The following RBM47 variants were observed in gnomAD, a reference collection of about 807,000 sequenced individuals.
RBM47 encodes RNA binding motif protein 47.
In RBM47, 21 loss-of-function variants were observed where a neutral mutation model predicts 47.1. That is an observed-to-expected ratio of 0.45 (90% CI 0.32 to 0.64). The LOEUF (loss-of-function observed/expected upper bound fraction) is 0.64. Ranked by LOEUF, RBM47 falls within the 30% of genes least tolerant of loss-of-function variation. RBM47 has a pLI of 0.05. For synonymous variants in RBM47, 375 were observed against 361.7 expected (o/e 1.04, Z -0.42); for missense variants, 708 against 870.9 (o/e 0.81, Z 2.35).
chr4:40,502,269 T>C (rs535602477), intron 2 of RBM47: 1 of 154,502 alleles, frequency 6.5e-6, no homozygotes, highest in South Asian at 2.0e-4. Flanking sequence ...GTTTTCATGT[T>C]GACACATTTC....
chr4:40,429,812 A>C (rs1231232572), intron 6 of RBM47, among the ~76,000 whole-genome samples: 1 of 151,910 alleles, frequency 6.6e-6, no homozygotes, highest in Non-Finnish European at 1.5e-5. Context: ...GGTGTTGTTA[A>C]ATTGGCTAAA....
intron 2 of RBM47, among the ~76,000 whole-genome samples, chr4:40,533,489 G>C (rs1428772841): frequency 6.6e-6 from 1 of 151,216 alleles, no homozygotes; most frequent in African/African-American, 2.4e-5. Flanking sequence ...GTAGGAAAGA[G>C]CAATACAAAG....
Position 40,436,537 on chromosome 4 carries a change from G to C in RBM47, c.1234C>G (p.His412Asp). ...SAGRGIYSRY[H>D]EGKGKQQEKG... ...TCTTGCTGCTTTCCTTTCCCTTCAT[G>C]ATATCGGCTATATATACCACGACCA... is the stretch of plus-strand genomic sequence containing the variant. Residue 412 changes from histidine (H) to aspartate (D), a missense_variant, in exon 5 of 7, where the codon CAT (histidine) becomes GAT (aspartate). Coordinates refer to ENST00000295971, the MANE Select transcript of RBM47 (RefSeq NM_001098634.2). The C allele has an allele frequency of 6.2e-7, 1 of 1,614,148 alleles. No individual in the cohort carries two copies. Among genetic ancestry groups the C allele is most frequent in the Non-Finnish European group, 8.5e-7 (1 of 1,180,016 alleles).
intron 6 of RBM47, chr4:40,427,111 GCTT>G (rs941345722): frequency 3.9e-5 from 6 of 152,216 alleles, no homozygotes; most frequent in Non-Finnish European, 8.8e-5. Flanking sequence ...CAAAGGGACA[GCTT>G]CTTAAGCTGT....
chr4:40,530,820 C>T (rs1009745727), intron 2 of RBM47, among the ~76,000 whole-genome samples: 5 of 152,156 alleles, frequency 3.3e-5, no homozygotes, highest in African/African-American at 7.2e-5. Flanking sequence ...CCATGCAAGG[C>T]GAGGCACGGT....
intron 1 of RBM47, among the ~76,000 whole-genome samples, chr4:40,566,945 G>A (rs1731162233): frequency 1.3e-5 from 2 of 151,614 alleles, no homozygotes; most frequent in Non-Finnish European, 2.9e-5. Flanking sequence ...ACTGGGCCCG[G>A]CCCATTCTGT....
intron 3 of RBM47, among the ~76,000 whole-genome samples, chr4:40,464,198 C>T (rs1717602638): frequency 6.6e-6 from 1 of 152,180 alleles, no homozygotes. Flanking sequence ...CTTAGAGTAC[C>T]TGTTTAATGT....
At chr4:40,473,565 G>T (rs77044652) in intron 2 of RBM47, among the ~76,000 whole-genome samples, 7,152 of 152,240 alleles carry the variant, frequency 0.047, 550 homozygotes, top group African/African-American at 0.16. Flanking sequence ...AACAGTAAAT[G>T]ATATTCTCAA....
intron 2 of RBM47, among the ~76,000 whole-genome samples, chr4:40,506,046 T>G (rs1006395189): frequency 1.2e-4 from 18 of 152,242 alleles, no homozygotes; most frequent in Admixed American, 1.1e-3. Flanking sequence ...CTCTGACCTA[T>G]CTACTATCAA....
rs1052399725 is a variant in RBM47 at position 40,424,888 on chromosome 4, T to G, written c.*1016A>C. On this transcript the variant is annotated 3_prime_UTR_variant, in exon 7 of 7. Transcript: ENST00000295971. ...TTTACATTGGGCAATTAAATAGCTA[T>G]GCAAAGGTGTCTTATGCAACTCGAT... 4.6e-5 allele frequency: 7 copies of G among 152,098 alleles called. No individual in the cohort carries two copies. The highest frequency in any genetic ancestry group is 7.3e-5 in the Non-Finnish European group (5 of 68,028). 9.4% of individuals were successfully genotyped at this position (152,098 alleles called of 1,614,324 possible).
At chr4:40,617,322 G>T (rs1488548355) in intron 1 of RBM47, among the ~76,000 whole-genome samples, 1 of 151,958 alleles carries the variant, frequency 6.6e-6, no homozygotes, top group East Asian at 1.9e-4. Flanking sequence ...ACTTTAGAAG[G>T]CCGAGGCAGG....
At chr4:40,616,071 G>T (rs978893646) in intron 1 of RBM47, among the ~76,000 whole-genome samples, 1 of 152,022 alleles carries the variant, frequency 6.6e-6, no homozygotes, top group African/African-American at 2.4e-5. Flanking sequence ...ATCACTTCTT[G>T]GCTGGGTGCG....
chr4:40,480,635 T>A (rs1560405096), intron 2 of RBM47, among the ~76,000 whole-genome samples: 1 of 152,190 alleles, frequency 6.6e-6, no homozygotes, highest in Non-Finnish European at 1.5e-5. Context: ...CTAATTTGAA[T>A]CTAAAGAGAA....
At chr4:40,569,644 G>C (rs1019764637) in intron 1 of RBM47, among the ~76,000 whole-genome samples, 8 of 151,514 alleles carry the variant, frequency 5.3e-5, no homozygotes, top group East Asian at 3.9e-4. Flanking sequence ...CTCCTGACCT[G>C]GTGATCCGCC....
In RBM47 at chr4:40,582,877, T is replaced by C. The variant is rs527646347; in HGVS notation, c.-239-38371A>G. Among the ~76,000 whole-genome samples, 6 of 152,346 alleles carry C rather than the reference T, an allele frequency of 3.9e-5. No individual in the cohort carries two copies. The East Asian group carries it at 1.2e-3, about 29-fold the overall frequency. ...CATGTCTCATTACCACCCTTGCCCATGCTGTACTCTCTTCCAACTCTATCA... is the reference window on the plus strand; with the variant it reads ...CATGTCTCATTACCACCCTTGCCCACGCTGTACTCTCTTCCAACTCTATCA... On this transcript the variant is annotated intron_variant, in intron 1 of 6. Coordinates refer to ENST00000295971, the MANE Select transcript of RBM47 (RefSeq NM_001098634.2).
chr4:40,492,771 T>C (rs971882409), intron 2 of RBM47, among the ~76,000 whole-genome samples: 2 of 121,400 alleles, frequency 1.6e-5, no homozygotes, highest in South Asian at 5.1e-4. Context: ...ACTCCCATCA[T>C]GACCTGTGTG....
chr4:40,433,009 G>T, intron 5 of RBM47, 147 bp from the exon 6 acceptor site: 1 of 1,192,786 alleles, frequency 8.4e-7, no homozygotes, highest in Non-Finnish European at 1.1e-6. Context: ...GGCCCAGGCT[G>T]GAATGCAGTG....
intron 3 of RBM47, among the ~76,000 whole-genome samples, chr4:40,455,966 C>T (rs914855287): frequency 2.0e-5 from 3 of 152,124 alleles, no homozygotes; most frequent in Non-Finnish European, 4.4e-5. Context: ...GGGATTCACT[C>T]CCAAATGTTT....
At chr4:40,486,326 C>T (rs1464924267) in intron 2 of RBM47, among the ~76,000 whole-genome samples, 1 of 151,976 alleles carries the variant, frequency 6.6e-6, no homozygotes, top group Non-Finnish European at 1.5e-5. Context: ...AGAGTGCTTC[C>T]GTATCAACAA....
Sources: gnomAD v4.1 joint callset for allele counts (sites outside exome capture counted in the v4.1 genomes callset) on GRCh38, gnomAD v4.1.1 for gene constraint, MANE v1.5 for transcripts, NCBI Gene and HGNC (gene_info 2026-07-23, HGNC 2026-07-21) for gene names.